CFTR: variants seen among roughly 807,000 people sequenced by gnomAD.
CFTR encodes CF transmembrane conductance regulator, also known as cystic fibrosis transmembrane conductance regulator.
Under a neutral mutation model 171.6 loss-of-function variants are expected in CFTR, and 181 were observed. The ratio of observed to expected loss-of-function variants is 1.05; its 90% CI spans 0.93 to 1.19. The LOEUF is 1.19. CFTR is among the 50% of genes most tolerant of loss of function. The probability of loss-of-function intolerance (pLI) is 0.00; values close to 1 mark genes in which losing one functional copy is unlikely to be tolerated. For synonymous variants in CFTR, 583 were observed against 608.0 expected, an observed-to-expected ratio of 0.96 and a Z score of 0.60; for missense variants, 1,968 against 1,734.7, an observed-to-expected ratio of 1.13 and a Z score of -2.39.
chr7:117,541,394 A>G (rs566293346), intron 8 of CFTR, among the ~76,000 whole-genome samples: 1 of 152,334 alleles, frequency 6.6e-6, no homozygotes, highest in South Asian at 2.1e-4. Flanking sequence ...AGAGAAGAAA[A>G]TGAAGAAGCA....
At chr7:117,597,046 G>T (rs932123995) in intron 15 of CFTR, among the ~76,000 whole-genome samples, 7 of 152,220 alleles carry the variant, frequency 4.6e-5, no homozygotes, top group African/African-American at 1.7e-4. Context: ...GGTGGGGCCA[G>T]ATAAGAGAAT....
At chr7:117,511,909 C>G (rs1277417129) in intron 3 of CFTR, among the ~76,000 whole-genome samples, 5 of 152,030 alleles carry the variant, frequency 3.3e-5, no homozygotes, top group Non-Finnish European at 7.4e-5. Flanking sequence ...TTTCTCTGTC[C>G]TTTTACATAA....
At chr7:117,638,370 T>TAA (rs1792858807) in intron 22 of CFTR, among the ~76,000 whole-genome samples, 2 of 152,218 alleles carry the variant, frequency 1.3e-5, no homozygotes, top group Non-Finnish European at 2.9e-5. Flanking sequence ...GCATGTTACC[T>TAA]ATCTTAACAC....
intron 3 of CFTR, among the ~76,000 whole-genome samples, chr7:117,513,815 C>G (rs1320554486): frequency 6.6e-6 from 1 of 152,072 alleles, no homozygotes; most frequent in African/African-American, 2.4e-5. Context: ...CTTCTCTAAC[C>G]CTAGAGTGAC....
intron 22 of CFTR, 107 bp downstream of exon 22, chr7:117,627,877 A>T: frequency 8.6e-7 from 1 of 1,160,804 alleles, no homozygotes; most frequent in Non-Finnish European, 1.3e-6. Flanking sequence ...ATTATTGTAC[A>T]GTAGAATCAA....
intron 6 of CFTR, 148 bp from the exon 7 acceptor site, chr7:117,536,400 T>A: frequency 1.2e-6 from 1 of 805,264 alleles, no homozygotes; most frequent in Non-Finnish European, 2.0e-6. Context: ...CAGTAGTTAT[T>A]ATTTTTGTTA....
intron 2 of CFTR, among the ~76,000 whole-genome samples, chr7:117,505,228 G>A (rs758048936): frequency 2.0e-5 from 3 of 152,068 alleles, no homozygotes; most frequent in Non-Finnish European, 2.9e-5. Flanking sequence ...TTCCAGCTGA[G>A]GTCTGTATTG....
intron 2 of CFTR, among the ~76,000 whole-genome samples, chr7:117,507,677 T>G (rs1237129612): frequency 6.6e-6 from 1 of 152,178 alleles, no homozygotes; most frequent in Admixed American, 6.5e-5. Context: ...TAATTAGGCT[T>G]TATAGAAGGG....
rs559233122 is a variant in CFTR at position 117,596,229 on chromosome 7, C to T, written c.2619+1171C>T. Among the ~76,000 whole-genome samples the T allele has an allele frequency of 4.6e-5, 7 of 152,318 alleles. No individual in the cohort carries two copies. In the South Asian group the frequency reaches 1.4e-3, roughly 32 times the overall value. On this transcript the variant is annotated intron_variant, in intron 15 of 26. Transcript: ENST00000003084. ...TGGGTGGGTGTGGGCTGGGCAGGCC[C>T]CGCACTCGGAGCAGCCGGCCGGCCC...
intron 7 of CFTR, among the ~76,000 whole-genome samples, chr7:117,537,675 T>C (rs919586343): frequency 8.5e-5 from 13 of 152,236 alleles, no homozygotes; most frequent in Admixed American, 6.5e-5. Context: ...TCCTTTGCCA[T>C]GTAAATAGAA....
At chr7:117,569,431 A>G (rs1249866683) in intron 11 of CFTR, among the ~76,000 whole-genome samples, 1 of 152,212 alleles carries the variant, frequency 6.6e-6, no homozygotes, top group African/African-American at 2.4e-5. Flanking sequence ...AACTTATGCA[A>G]ATCAATAATA....
At chr7:117,490,312 T>TTCACACAC (rs1798138274) in intron 1 of CFTR, among the ~76,000 whole-genome samples, 1 of 136,788 alleles carries the variant, frequency 7.3e-6, no homozygotes, top group African/African-American at 2.7e-5. Context: ...GAACCAATGA[T>TTCACACAC]ACACACACAC....
At chr7:117,595,623 C>A (rs1364992782) in intron 15 of CFTR, among the ~76,000 whole-genome samples, 2 of 152,000 alleles carry the variant, frequency 1.3e-5, no homozygotes, top group African/African-American at 4.8e-5. Context: ...GTGGTTCATG[C>A]CTGTAATCCC....
chr7:117,621,891 T>C (rs1792587468), intron 21 of CFTR, among the ~76,000 whole-genome samples: 2 of 152,204 alleles, frequency 1.3e-5, no homozygotes, highest in Non-Finnish European at 2.9e-5. Context: ...CTTTGCCCAT[T>C]GACACACTTA....
At position 117,667,044 on chromosome 7, in the gene CFTR, C is replaced by A. The variant is rs1436757515; in HGVS notation, c.4379C>A (p.Ser1460Tyr). ...FPHRNSSKCK[S>Y]KPQIAALKEE... The stretch of plus-strand genomic sequence containing the variant: ...CACCGGAACTCAAGCAAGTGCAAGT[C>A]TAAGCCCCAGATTGCTGCTCTGAAA... Residue 1460 changes from serine to tyrosine, a missense_variant, in exon 27 of 27, where the codon TCT becomes TAT. Ser to Tyr is a moderately radical substitution (Grantham distance 144). Coordinates refer to ENST00000003084, the MANE Select transcript of CFTR (RefSeq NM_000492.4). 6.2e-7 allele frequency: 1 copy of A among 1,613,936 alleles called. No individual in the cohort carries two copies. Among genetic ancestry groups the A allele is most frequent in the East Asian group, 2.2e-5 (1 of 44,860 alleles).
In CFTR at chr7:117,540,309, C is replaced by T. The variant is rs75053309; in HGVS notation, c.1079C>T (p.Thr360Ile). 3.2e-5 allele frequency: 51 copies of T among 1,613,676 alleles called. No homozygotes were observed. Among genetic ancestry groups the T allele is most frequent in the Non-Finnish European group, 3.9e-5 (46 of 1,179,712 alleles). The change falls in exon 8 of 27, where the codon ACA becomes ATA. Residue 360 changes from threonine (T) to isoleucine (I), a missense_variant. By Grantham distance (89) the Thr-to-Ile change is moderately conservative (BLOSUM62 -1). Transcript: ENST00000003084. ...VTRQFPWAVQ[T>I]WYDSLGAINK... is the part of the protein sequence containing the mutation. ...CGGCAATTTCCCTGGGCTGTACAAACATGGTATGACTCTCTTGGAGCAATA... is the reference window on the plus strand; with the variant it reads ...CGGCAATTTCCCTGGGCTGTACAAATATGGTATGACTCTCTTGGAGCAATA...
At position 117,610,515 on chromosome 7, in the gene CFTR, A is replaced by G. The variant is rs1792365548; in HGVS notation, c.2989-4A>G. ...TCACCAACATGTTTTCTTTGATCTT[A>G]CAGTTGTTATTAATTGTGATTGGAG... On this transcript the variant is annotated splice_region_variant and splice_polypyrimidine_tract_variant and intron_variant, in intron 18 of 26. Transcript: ENST00000003084. 6.2e-7 allele frequency: 1 copy of G among 1,611,858 alleles called. No homozygotes were observed. Among genetic ancestry groups the G allele is most frequent in the African/African-American group, 1.3e-5 (1 of 74,812 alleles).
At chr7:117,666,575 C>A (rs1177826616) in intron 26 of CFTR, among the ~76,000 whole-genome samples, 1 of 152,128 alleles carries the variant, frequency 6.6e-6, no homozygotes, top group African/African-American at 2.4e-5. Flanking sequence ...AGAGGCTCAA[C>A]TCTTTATGGT....
At chr7:117,571,164 T>C (rs956435737) in intron 11 of CFTR, among the ~76,000 whole-genome samples, 2 of 152,124 alleles carry the variant, frequency 1.3e-5, no homozygotes, top group African/African-American at 2.4e-5. Flanking sequence ...TAAAGCCAGC[T>C]CTTGTCAGAA....
Sources: allele counts gnomAD v4.1 joint callset (sites outside exome capture counted in the v4.1 genomes callset), GRCh38; gene constraint gnomAD v4.1.1; transcripts MANE v1.5; gene names NCBI Gene and HGNC (gene_info 2026-07-23, HGNC 2026-07-21).